KITLG: variants seen among roughly 807,000 people sequenced by gnomAD.
The protein encoded by KITLG is c-Kit ligand.
A neutral mutation model predicts 34.1 loss-of-function variants in KITLG; 13 were observed. The observed-to-expected ratio is 0.38, with a 90% CI of 0.25 to 0.61. KITLG has a LOEUF of 0.61. Ranked by LOEUF, KITLG falls within the 20% of genes least tolerant of loss-of-function variation. The pLI is 0.60. For missense variants in KITLG, 292 were observed against 318.9 expected (o/e 0.92, Z 0.64); for synonymous variants, 110 against 104.0 (o/e 1.06, Z -0.35).
rs918824833 is a variant in KITLG at position 88,495,505 on chromosome 12, C to T, written c.*1714G>A. ...CCTGGGTTATATCTTAGAGAAATTACTCATATTTAAGGAACCACAGCATGT... is the reference window on the plus strand; with the variant it reads ...CCTGGGTTATATCTTAGAGAAATTATTCATATTTAAGGAACCACAGCATGT... On this transcript the variant is annotated 3_prime_UTR_variant, in exon 10 of 10. Transcript: ENST00000644744. The T allele has an allele frequency of 6.6e-6, 1 of 152,458 alleles. No individual in the cohort carries two copies. Among genetic ancestry groups the T allele is most frequent in the African/African-American group, 2.4e-5 (1 of 41,402 alleles). The allele number at this position is 152,458 out of a possible 1,614,324, so 9.4% of individuals were successfully genotyped here.
chr12:88,522,760 A>T (rs1869722166), intron 3 of KITLG, among the ~76,000 whole-genome samples: 1 of 152,130 alleles, frequency 6.6e-6, no homozygotes, highest in South Asian at 2.1e-4. Flanking sequence ...TCACGGTAAG[A>T]TTTACGGATT....
chr12:88,536,536 G>A (rs541833088), intron 2 of KITLG, among the ~76,000 whole-genome samples: 4 of 152,186 alleles, frequency 2.6e-5, no homozygotes, highest in East Asian at 1.9e-4. Context: ...ACATTCACAC[G>A]TATGTTTATT....
chr12:88,568,193 G>C (rs1045057807), intron 1 of KITLG, among the ~76,000 whole-genome samples: 18 of 152,124 alleles, frequency 1.2e-4, no homozygotes, highest in Admixed American at 1.2e-3. Flanking sequence ...ATACTGATGT[G>C]TCTGCTGGCA....
chr12:88,517,177 G>GGTT (rs1869490150), intron 4 of KITLG, among the ~76,000 whole-genome samples: 1 of 151,806 alleles, frequency 6.6e-6, no homozygotes, highest in Non-Finnish European at 1.5e-5. Context: ...TTCAAGAGAA[G>GGTT]GTTAACTACA....
chr12:88,557,855 CT>C (rs894763013), intron 1 of KITLG, among the ~76,000 whole-genome samples: 1 of 152,056 alleles, frequency 6.6e-6, no homozygotes, highest in African/African-American at 2.4e-5. Flanking sequence ...TTGAACTACC[CT>C]GATGTACAAG....
intron 2 of KITLG, among the ~76,000 whole-genome samples, chr12:88,534,120 C>T (rs538595646): frequency 2.5e-4 from 38 of 152,264 alleles, no homozygotes; most frequent in African/African-American, 7.7e-4. Flanking sequence ...TGACATATTA[C>T]CTCTATTTAA....
chr12:88,575,041 C>A (rs1416339947), intron 1 of KITLG, among the ~76,000 whole-genome samples: 1 of 152,176 alleles, frequency 6.6e-6, no homozygotes, highest in Non-Finnish European at 1.5e-5. Flanking sequence ...CACACTGAAG[C>A]AATGGCTGCA....
In KITLG at chr12:88,543,757, A is replaced by G. The variant is rs192425638; in HGVS notation, c.129+1995T>C. Among the ~76,000 whole-genome samples, 3 of 152,334 alleles carry G rather than the reference A, an allele frequency of 2.0e-5. No homozygotes were observed. In the East Asian group the frequency reaches 5.8e-4, roughly 29 times the overall value. On this transcript the variant is annotated intron_variant, in intron 2 of 9. Transcript: ENST00000644744. ...CAACTGACTTAGACCATTGGGTATT[A>G]AGATAACATACATTAAAAAGTAGTT... is the stretch of plus-strand genomic sequence containing the variant.
chr12:88,568,300 TA>T (rs1168545388), intron 1 of KITLG, among the ~76,000 whole-genome samples: 1 of 149,650 alleles, frequency 6.7e-6, no homozygotes, highest in Non-Finnish European at 1.5e-5. Context: ...TTTATTTATT[TA>T]TTTATTTATT....
rs972061977 is a variant in KITLG, at chr12:88,493,532, C to T, written c.*3687G>A. 1 of 151,906 alleles carries T rather than the reference C, an allele frequency of 6.6e-6. No individual in the cohort carries two copies. Among genetic ancestry groups the T allele is most frequent in the African/African-American group, 2.4e-5 (1 of 41,382 alleles). The allele number at this position is 151,906 out of a possible 1,614,324, so 9.4% of individuals were successfully genotyped here. On this transcript the variant is annotated 3_prime_UTR_variant, in exon 10 of 10. Transcript: ENST00000644744. ...CAATCTGAATGGTTTTATTTTAAAGCCAATTTCAAAATAATATTGTTTCAA... is the reference window on the plus strand; with the variant it reads ...CAATCTGAATGGTTTTATTTTAAAGTCAATTTCAAAATAATATTGTTTCAA...
In KITLG at chr12:88,580,404, C is replaced by G; in HGVS notation, c.-126G>C. 8.9e-7 allele frequency: 1 copy of G among 1,117,542 alleles called. No individual in the cohort carries two copies. Among genetic ancestry groups the G allele is most frequent in the East Asian group, 2.6e-5 (1 of 38,882 alleles). The allele number at this position is 1,117,542 out of a possible 1,614,324, so 69.2% of individuals were successfully genotyped here. On this transcript the variant is annotated 5_prime_UTR_variant, in exon 1 of 10. Transcript: ENST00000644744. Reference sequence around the variant, plus strand: ...GTCCACGCATTGGGTAGCCCGAGCGCAGCGCCCTCTCCACTGTCCCTGCTT... The same window carrying G: ...GTCCACGCATTGGGTAGCCCGAGCGGAGCGCCCTCTCCACTGTCCCTGCTT...
At position 88,505,115 on chromosome 12, in the gene KITLG, A is replaced by G. The variant is rs771741947; in HGVS notation, c.*37+44T>C. ...GCACATGTACCCTAGAACTTAAAGTATAATAAAAAAAAGAAAAAAAAAGGA... is the reference window on the plus strand; with the variant it reads ...GCACATGTACCCTAGAACTTAAAGTGTAATAAAAAAAAGAAAAAAAAAGGA... On this transcript the variant is annotated intron_variant, in intron 9 of 9. Transcript: ENST00000644744. The G allele has an allele frequency of 1.3e-5, 13 of 1,016,298 alleles. No homozygotes were observed. In the South Asian group the frequency reaches 1.4e-4, roughly 11 times the overall value. The allele number at this position is 1,016,298 out of a possible 1,614,324, so 63.0% of individuals were successfully genotyped here.
intron 1 of KITLG, chr12:88,564,416 A>T (rs553232542): frequency 6.6e-6 from 1 of 152,186 alleles, no homozygotes; most frequent in African/African-American, 2.4e-5. Flanking sequence ...TTTTCTCACC[A>T]TATGGGAGAG....
intron 3 of KITLG, among the ~76,000 whole-genome samples, chr12:88,529,918 C>A (rs912360589): frequency 3.3e-5 from 5 of 152,142 alleles, no homozygotes; most frequent in Non-Finnish European, 7.4e-5. Flanking sequence ...GTATAGCATG[C>A]CAGAATCAAT....
chr12:88,519,263 G>A (rs1869572559), intron 3 of KITLG, among the ~76,000 whole-genome samples: 1 of 152,092 alleles, frequency 6.6e-6, no homozygotes, highest in East Asian at 1.9e-4. Context: ...GAGGAGGAGG[G>A]ACTATTGTAA....
chr12:88,528,314 T>A lies in KITLG; in HGVS notation c.192+4127A>T, dbSNP rs556892181. Among the ~76,000 whole-genome samples, 7 of 152,274 alleles carry A rather than the reference T, an allele frequency of 4.6e-5. No homozygotes were observed. The South Asian group carries it at 1.5e-3, about 32-fold the overall frequency. On this transcript the variant is annotated intron_variant, in intron 3 of 9. Transcript: ENST00000644744. Reference sequence around the variant, plus strand: ...GTAAATCAGAGTGGGACCACCTGGATAATCCAAAATAACTTTTCCATCTAT... The same window carrying A: ...GTAAATCAGAGTGGGACCACCTGGAAAATCCAAAATAACTTTTCCATCTAT...
intron 1 of KITLG, among the ~76,000 whole-genome samples, chr12:88,555,505 A>C (rs1179924924): frequency 6.6e-6 from 1 of 152,230 alleles, no homozygotes; most frequent in Admixed American, 6.5e-5. Flanking sequence ...TTAGATAATA[A>C]AACTGACTTC....
chr12:88,516,646 G>A (rs1869468727), intron 4 of KITLG, among the ~76,000 whole-genome samples, 156 bp from the exon 5 acceptor site: 1 of 151,582 alleles, frequency 6.6e-6, no homozygotes, highest in African/African-American at 2.4e-5. Context: ...AATTCAGATT[G>A]GTAATGCAGG....
chr12:88,580,059 G>C (rs1274232110), intron 1 of KITLG: 1 of 618,970 alleles, frequency 1.6e-6, no homozygotes, highest in Non-Finnish European at 2.9e-6. Flanking sequence ...CTCCCTCTCA[G>C]CACTCCCACT....
Sources: gnomAD v4.1 joint callset for allele counts (sites outside exome capture counted in the v4.1 genomes callset) on GRCh38, gnomAD v4.1.1 for gene constraint, MANE v1.5 for transcripts, NCBI Gene and HGNC (gene_info 2026-07-23, HGNC 2026-07-21) for gene names.